Variants in DPP6 observed in about 807,000 individuals in gnomAD.
DPP6 encodes the protein A-type potassium channel modulatory protein DPP6.
In DPP6, 69 loss-of-function variants were observed where a neutral mutation model predicts 122.6. The observed-to-expected ratio is 0.56, with a 90% confidence interval of 0.46 to 0.69. The LOEUF is 0.69. Among genes scored for constraint, DPP6 ranks in the 30% least tolerant of loss-of-function variants. DPP6 has a pLI of 0.00. For synonymous variants in DPP6, 418 were observed against 433.1 expected, an observed-to-expected ratio of 0.97 and a Z score of 0.43; for missense variants, 928 against 1,116.9, an observed-to-expected ratio of 0.83 and a Z score of 2.41.
chr7:154,532,739 A>C (rs960578640), intron 3 of DPP6, among the ~76,000 whole-genome samples: 1 of 151,898 alleles, frequency 6.6e-6, no homozygotes, highest in Admixed American at 6.6e-5. Context: ...CATATTTTTT[A>C]AATTAATATT....
At chr7:154,023,363 T>TACACAC (rs1798810823) in intron 1 of DPP6, among the ~76,000 whole-genome samples, 6 of 72,824 alleles carry the variant, frequency 8.2e-5, no homozygotes, top group Non-Finnish European at 1.7e-4. Flanking sequence ...CACACACACT[T>TACACAC]CTTAAGTCTG....
the DPP6 span, among the ~76,000 whole-genome samples, chr7:153,852,809 G>C: frequency 6.6e-6 from 1 of 151,992 alleles, no homozygotes; most frequent in Non-Finnish European, 1.5e-5. Flanking sequence ...CTGCTCAATC[G>C]CATTGCACTT....
Position 154,532,565 on chromosome 7 carries a change from A to G in DPP6, c.458-7967A>G, listed in dbSNP as rs141665179. Among the ~76,000 whole-genome samples the G allele has an allele frequency of 1.2e-3, 178 of 152,244 alleles. 1 individual carries two copies. The highest frequency in any genetic ancestry group is 0.01 in the Middle Eastern group (3 of 294). ...CAAGAGCTTGTTCTTTGAAAGGTCA[A>G]TAAAATTGGTAAATATCCAGTTTGG... On this transcript the variant is annotated intron_variant, in intron 3 of 25. Transcript: ENST00000377770.
chr7:153,982,174 G>A (rs972573926), intron 1 of DPP6, among the ~76,000 whole-genome samples: 1 of 151,796 alleles, frequency 6.6e-6, no homozygotes, highest in Non-Finnish European at 1.5e-5. Context: ...TCACTTTCAG[G>A]TACACCAATC....
intron 1 of DPP6, among the ~76,000 whole-genome samples, chr7:154,075,988 T>C (rs182192665): frequency 1.8e-4 from 28 of 151,784 alleles, no homozygotes; most frequent in African/African-American, 6.0e-4. Flanking sequence ...AGTTTCAATA[T>C]ATAGGCTAAA....
chr7:154,860,461 C>T (rs1803285369), intron 17 of DPP6, among the ~76,000 whole-genome samples: 1 of 152,190 alleles, frequency 6.6e-6, no homozygotes, highest in Non-Finnish European at 1.5e-5. Context: ...GACAGGAGGG[C>T]TGCTGGGGGC....
intron 5 of DPP6, among the ~76,000 whole-genome samples, chr7:154,619,025 G>A (rs1834455038): frequency 1.3e-5 from 2 of 152,122 alleles, no homozygotes; most frequent in Admixed American, 6.5e-5. Context: ...TTTTATAAAG[G>A]GCAGTTCCCC....
At chr7:154,273,153 G>A (rs78698731) in intron 1 of DPP6, among the ~76,000 whole-genome samples, 3,950 of 152,232 alleles carry the variant, frequency 0.026, 193 homozygotes, top group African/African-American at 0.09. Flanking sequence ...TTGTCCCCAG[G>A]AATTGATTTG....
intron 1 of DPP6, among the ~76,000 whole-genome samples, chr7:154,422,334 G>A (rs1020685847): frequency 5.3e-5 from 8 of 152,294 alleles, no homozygotes; most frequent in Non-Finnish European, 1.2e-4. Context: ...AGAACATACA[G>A]CACTCTAAAG....
At chr7:154,532,741 A>G (rs1827943000) in intron 3 of DPP6, among the ~76,000 whole-genome samples, 1 of 151,902 alleles carries the variant, frequency 6.6e-6, no homozygotes, top group South Asian at 2.1e-4. Context: ...TATTTTTTAA[A>G]TTAATATTTT....
chr7:154,123,683 T>G (rs1408562572), intron 1 of DPP6, among the ~76,000 whole-genome samples: 1 of 151,828 alleles, frequency 6.6e-6, no homozygotes, highest in Non-Finnish European at 1.5e-5. Context: ...CTCACAGGGC[T>G]TACCTGGGAC....
intron 1 of DPP6, among the ~76,000 whole-genome samples, chr7:153,961,434 C>T (rs1290526558): frequency 1.2e-4 from 18 of 151,010 alleles, no homozygotes; most frequent in South Asian, 8.4e-4. Flanking sequence ...ATGGAGAGCA[C>T]GCTCTTTTCA....
At chr7:154,204,033 C>T (rs1001190650) in intron 1 of DPP6, among the ~76,000 whole-genome samples, 6 of 152,188 alleles carry the variant, frequency 3.9e-5, no homozygotes, top group South Asian at 2.1e-4. Flanking sequence ...CCTGGGAAGG[C>T]GCCGATTTTC....
At chr7:154,130,830 A>C (rs1415612050) in intron 1 of DPP6, among the ~76,000 whole-genome samples, 1 of 152,158 alleles carries the variant, frequency 6.6e-6, no homozygotes, top group Non-Finnish European at 1.5e-5. Context: ...ATAAAAAAAA[A>C]TAAAGCAAGA....
chr7:154,221,659 T>A (rs1207156589), intron 1 of DPP6, among the ~76,000 whole-genome samples: 1 of 152,196 alleles, frequency 6.6e-6, no homozygotes, highest in African/African-American at 2.4e-5. Context: ...GGCTTAACTA[T>A]TGAAAATTTT....
At chr7:153,945,389 G>A (rs1478312854) in intron 1 of DPP6, among the ~76,000 whole-genome samples, 3 of 152,108 alleles carry the variant, frequency 2.0e-5, no homozygotes, top group Non-Finnish European at 4.4e-5. Flanking sequence ...ATCAGAAGGC[G>A]AATTGAGGTA....
chr7:154,388,100 A>C (rs557450884), intron 1 of DPP6, among the ~76,000 whole-genome samples: 3 of 152,256 alleles, frequency 2.0e-5, no homozygotes, highest in Admixed American at 1.3e-4. Context: ...CCAGAAGTTC[A>C]AGACCAGCCT....
At chr7:154,490,971 C>T (rs545586666) in intron 3 of DPP6, among the ~76,000 whole-genome samples, 11 of 152,250 alleles carry the variant, frequency 7.2e-5, no homozygotes, top group African/African-American at 2.2e-4. Flanking sequence ...TGTCTATTTG[C>T]GACACACCAG....
intron 1 of DPP6, among the ~76,000 whole-genome samples, chr7:154,145,134 TC>T: frequency 6.6e-6 from 1 of 152,278 alleles, no homozygotes; most frequent in Admixed American, 6.5e-5. Context: ...ATAATTAAGG[TC>T]CTGGATCAGT....
Sources: allele counts gnomAD v4.1 joint callset (sites outside exome capture counted in the v4.1 genomes callset), GRCh38; gene constraint gnomAD v4.1.1; transcripts MANE v1.5; gene names NCBI Gene and HGNC (gene_info 2026-07-23, HGNC 2026-07-21).